Variants in RIMBP2 observed in about 807,000 individuals in gnomAD.
The protein encoded by RIMBP2 is RIMS binding protein 2.
RIMBP2 carries 48 observed loss-of-function variants against 118.6 expected under a neutral mutation model. The observed-to-expected ratio is 0.40, with a 90% CI of 0.32 to 0.51. RIMBP2 has a LOEUF of 0.51. Among genes scored for constraint, RIMBP2 ranks in the 20% least tolerant of loss-of-function variants. The pLI, the probability that RIMBP2 is intolerant of heterozygous loss-of-function variation, is 0.41. For synonymous variants in RIMBP2, 762 were observed against 742.9 expected (o/e 1.03, Z -0.42); for missense variants, 1,551 against 1,768.3 (o/e 0.88, Z 2.20).
intron 1 of RIMBP2, among the ~76,000 whole-genome samples, chr12:130,705,208 T>C (rs375816247): frequency 2.0e-5 from 3 of 152,068 alleles, no homozygotes; most frequent in Non-Finnish European, 2.9e-5. Context: ...GGAGGATGCA[T>C]GAGTTAGGAA....
chr12:130,708,025 C>T (rs1949626692), intron 1 of RIMBP2, among the ~76,000 whole-genome samples: 1 of 152,078 alleles, frequency 6.6e-6, no homozygotes, highest in Admixed American at 6.5e-5. Flanking sequence ...AACATGTGGT[C>T]CAGCCACACA....
At chr12:130,539,300 A>T (rs1411723603) in intron 2 of RIMBP2, among the ~76,000 whole-genome samples, 1 of 152,264 alleles carries the variant, frequency 6.6e-6, no homozygotes, top group Non-Finnish European at 1.5e-5. Context: ...TAATATATAT[A>T]ACATGTAAAG....
chr12:130,628,553 G>A (rs1232989940), intron 1 of RIMBP2, 97 bp from the exon 2 acceptor site: 1 of 152,202 alleles, frequency 6.6e-6, no homozygotes, highest in Non-Finnish European at 1.5e-5. Flanking sequence ...TAAGAGCCAG[G>A]GAGAAGCAGG....
At chr12:130,515,934 G>T (rs780911055) in intron 3 of RIMBP2, among the ~76,000 whole-genome samples, 17 of 152,140 alleles carry the variant, frequency 1.1e-4, no homozygotes, top group Non-Finnish European at 2.2e-4. Flanking sequence ...CTGACCTCAG[G>T]TGATCCACTC....
intron 1 of RIMBP2, among the ~76,000 whole-genome samples, chr12:130,671,050 A>T (rs907728084): frequency 1.6e-4 from 24 of 152,132 alleles, no homozygotes; most frequent in Non-Finnish European, 2.9e-5. Context: ...GTGAGCCACC[A>T]CACAGGCCGG....
chr12:130,402,572 T>C (rs1386051545), intron 21 of RIMBP2, among the ~76,000 whole-genome samples: 1 of 152,168 alleles, frequency 6.6e-6, no homozygotes, highest in Non-Finnish European at 1.5e-5. Flanking sequence ...AATTTCACCT[T>C]GACCTTTCCC....
chr12:130,610,289 C>T (rs1354055621), intron 2 of RIMBP2, among the ~76,000 whole-genome samples: 3 of 152,202 alleles, frequency 2.0e-5, no homozygotes, highest in Non-Finnish European at 4.4e-5. Context: ...AGTTCAGCTT[C>T]CAGGGTCCTC....
intron 3 of RIMBP2, among the ~76,000 whole-genome samples, chr12:130,516,216 A>G (rs373783883): frequency 1.8e-4 from 28 of 152,378 alleles, no homozygotes; most frequent in African/African-American, 5.5e-4. Flanking sequence ...AGGCAAGAAA[A>G]TAAGTGTCAA....
intron 4 of RIMBP2, among the ~76,000 whole-genome samples, chr12:130,499,337 C>A (rs1308825542): frequency 2.0e-5 from 3 of 152,146 alleles, no homozygotes; most frequent in Non-Finnish European, 4.4e-5. Context: ...ACTTGTATAC[C>A]TCTGTGCGGT....
intron 4 of RIMBP2, among the ~76,000 whole-genome samples, chr12:130,494,098 G>A (rs4759480): frequency 0.22 from 33,137 of 152,064 alleles, 4,319 homozygotes; most frequent in Non-Finnish European, 0.29. Context: ...TGAGGCTCAC[G>A]GAGATGACTC....
chr12:130,592,682 C>CAAAAA (rs10676690), intron 2 of RIMBP2, among the ~76,000 whole-genome samples: 32 of 144,162 alleles, frequency 2.2e-4, no homozygotes, highest in Non-Finnish European at 3.3e-4. Flanking sequence ...GAGACTCTGT[C>CAAAAA]AAAAAAAAAA....
In RIMBP2 at chr12:130,399,475, A is replaced by G. The variant is rs187394297; in HGVS notation, c.3900+204T>C. Among the ~76,000 whole-genome samples the G allele has an allele frequency of 2.0e-5, 3 of 152,326 alleles. No homozygotes were observed. In the East Asian group the frequency reaches 5.8e-4, roughly 29 times the overall value. On this transcript the variant is annotated intron_variant, in intron 22 of 22. Transcript: ENST00000690449. The stretch of plus-strand genomic sequence containing the variant: ...AAGGCAGATTGATTGATTAGAATTG[A>G]AAGGGTCTTTTTTTGTAAAATGAGT...
intron 1 of RIMBP2, among the ~76,000 whole-genome samples, chr12:130,686,472 C>T (rs146042567): frequency 1.8e-3 from 272 of 152,344 alleles, no homozygotes; most frequent in Non-Finnish European, 3.0e-3. Flanking sequence ...CATTCTTACA[C>T]GGGCCAGGCA....
chr12:130,483,610 G>A (rs1463407814), intron 4 of RIMBP2, among the ~76,000 whole-genome samples: 1 of 147,836 alleles, frequency 6.8e-6, no homozygotes, highest in Non-Finnish European at 1.5e-5. Context: ...TGGGTGGAAG[G>A]CGGGATACAC....
Position 130,576,505 on chromosome 12 carries a change from G to A in RIMBP2, c.-217+51817C>T, listed in dbSNP as rs2058092540. Among the ~76,000 whole-genome samples, 1 of 152,134 alleles carries A rather than the reference G, an allele frequency of 6.6e-6. No individual in the cohort carries two copies. Among genetic ancestry groups the A allele is most frequent in the South Asian group, 2.1e-4 (1 of 4,826 alleles). ...TATCTCCTCCCGCGGGAAGCAGATG[G>A]CCCCTGCATGTGCACTTGCTCATAC... On this transcript the variant is annotated intron_variant, in intron 2 of 22. Transcript: ENST00000690449. The surrounding 1 kb of genome is among the most constrained non-coding windows in gnomAD (Gnocchi z 4.2).
intron 4 of RIMBP2, among the ~76,000 whole-genome samples, chr12:130,483,051 C>G (rs1203631929): frequency 1.5e-4 from 7 of 47,894 alleles, no homozygotes; most frequent in African/African-American, 4.6e-4. Context: ...CAAATACACC[C>G]ACTGTGTGTG....
intron 2 of RIMBP2, among the ~76,000 whole-genome samples, chr12:130,552,263 T>C (rs2055874998): frequency 1.3e-5 from 2 of 152,224 alleles, no homozygotes; most frequent in South Asian, 4.1e-4. Flanking sequence ...CCGTGGGCAG[T>C]GTATACAGGC....
intron 1 of RIMBP2, among the ~76,000 whole-genome samples, chr12:130,706,712 G>T (rs1449281940): frequency 6.6e-6 from 1 of 152,224 alleles, no homozygotes; most frequent in Non-Finnish European, 1.5e-5. Context: ...AAATGAGCTA[G>T]CTGGTGGGAA....
chr12:130,699,824 T>C (rs1593032271), intron 1 of RIMBP2, among the ~76,000 whole-genome samples: 1 of 148,264 alleles, frequency 6.7e-6, no homozygotes, highest in South Asian at 2.1e-4. Flanking sequence ...GAGAATCACT[T>C]GAACTGGGAG....
Sources: allele counts gnomAD v4.1 joint callset (sites outside exome capture counted in the v4.1 genomes callset), GRCh38; gene constraint gnomAD v4.1.1; non-coding constraint Gnocchi (gnomAD v3.1); transcripts MANE v1.5; gene names NCBI Gene and HGNC (gene_info 2026-07-23, HGNC 2026-07-21).